The following TGIF2 variants were observed in gnomAD, a reference collection of about 807,000 sequenced individuals.
TGIF2 encodes TGFB induced factor homeobox 2.
Under a neutral mutation model 15.1 loss-of-function variants are expected in TGIF2, and 5 were observed. The ratio of observed to expected loss-of-function variants is 0.33; its 90% CI spans 0.17 to 0.70. The LOEUF is 0.70. TGIF2 is among the 30% of genes least tolerant of loss of function. The probability of loss-of-function intolerance (pLI) is 0.67; values close to 1 mark genes in which losing one functional copy is unlikely to be tolerated. For missense variants in TGIF2, 264 were observed against 302.5 expected, an observed-to-expected ratio of 0.87 and a Z score of 0.94; for synonymous variants, 131 against 128.9, an observed-to-expected ratio of 1.02 and a Z score of -0.11.
intron 1 of TGIF2, 101 bp from the exon 2 acceptor site, chr20:36,578,640 T>C: frequency 7.6e-7 from 1 of 1,320,068 alleles, no homozygotes; most frequent in Non-Finnish European, 1.0e-6. Flanking sequence ...AACTACCCCA[T>C]TTCTGGTGTC....
At chr20:36,585,531 A>T (rs1238311063) in intron 2 of TGIF2, among the ~76,000 whole-genome samples, 1 of 151,376 alleles carries the variant, frequency 6.6e-6, no homozygotes, top group East Asian at 1.9e-4. Flanking sequence ...CACCAGCACC[A>T]GTCACTCGGC....
At chr20:36,579,809 A>G (rs1349528231) in intron 2 of TGIF2, among the ~76,000 whole-genome samples, 2 of 152,212 alleles carry the variant, frequency 1.3e-5, no homozygotes, top group Admixed American at 6.5e-5. Context: ...TGTGACGAAT[A>G]GATTCAGAAC....
At chr20:36,573,984 T>A (rs1168978281) in intron 1 of TGIF2, among the ~76,000 whole-genome samples, 1 of 151,122 alleles carries the variant, frequency 6.6e-6, no homozygotes, top group African/African-American at 2.4e-5. Context: ...GGAAGCCCGC[T>A]TGGGGCCCTG....
At chr20:36,574,118 G>C (rs1483858646) in intron 1 of TGIF2, among the ~76,000 whole-genome samples, 3 of 151,226 alleles carry the variant, frequency 2.0e-5, no homozygotes, top group East Asian at 4.0e-4. Flanking sequence ...ACCGCCAGCA[G>C]GGCCCCCCCG....
chr20:36,583,294 CA>C (rs916803751), intron 2 of TGIF2, among the ~76,000 whole-genome samples: 2 of 148,884 alleles, frequency 1.3e-5, no homozygotes, highest in Admixed American at 1.3e-4. Flanking sequence ...AACAAACAAA[CA>C]AAAAAAACCT....
At chr20:36,587,925 C>G (rs534610274) in intron 2 of TGIF2, among the ~76,000 whole-genome samples, 1 of 152,028 alleles carries the variant, frequency 6.6e-6, no homozygotes, top group South Asian at 2.1e-4. Context: ...AAAAAAGTAC[C>G]TGGGCATGGT....
chr20:36,585,326 C>T (rs2038633080), intron 2 of TGIF2, among the ~76,000 whole-genome samples: 2 of 151,782 alleles, frequency 1.3e-5, no homozygotes, highest in East Asian at 1.9e-4. Flanking sequence ...GGTGAAACCC[C>T]GTCTCTACTA....
At chr20:36,580,813 CAAAAAAAAAAA>C (rs71184101) in intron 2 of TGIF2, among the ~76,000 whole-genome samples, 1 of 45,928 alleles carries the variant, frequency 2.2e-5, no homozygotes, top group African/African-American at 9.0e-5. Context: ...GACATTGTCT[CAAAAAAAAAAA>C]AAAAAAAAAA....
intron 2 of TGIF2, among the ~76,000 whole-genome samples, chr20:36,579,171 TA>T (rs1188838915): frequency 6.6e-5 from 10 of 152,226 alleles, no homozygotes; most frequent in African/African-American, 2.4e-4. Flanking sequence ...TTTCAGACTT[TA>T]GATAGTCCTT....
chr20:36,584,722 G>C (rs2038618263), intron 2 of TGIF2, among the ~76,000 whole-genome samples: 1 of 151,754 alleles, frequency 6.6e-6, no homozygotes, highest in African/African-American at 2.4e-5. Flanking sequence ...AATTTTTGTA[G>C]TTTTAGTAAA....
At position 36,592,655 on chromosome 20, in the gene TGIF2, G is replaced by A. The variant is rs1233885105; in HGVS notation, c.*1224G>A. On this transcript the variant is annotated 3_prime_UTR_variant, in exon 3 of 3. Coordinates refer to ENST00000373872, the MANE Select transcript of TGIF2 (RefSeq NM_021809.7). ...CGGAGGAACTGCCTTCAGAGAAGGT[G>A]GGGCTGGAAAAGGGTTAGAAGCCTC... 1 of 152,396 alleles carries A rather than the reference G, an allele frequency of 6.6e-6. No homozygotes were observed. The highest frequency in any genetic ancestry group is 1.5e-5 in the Non-Finnish European group (1 of 68,058). 9.4% of individuals were successfully genotyped at this position (152,396 alleles called of 1,614,324 possible).
At chr20:36,589,453 C>T (rs574480343) in intron 2 of TGIF2, among the ~76,000 whole-genome samples, 39 of 151,500 alleles carry the variant, frequency 2.6e-4, no homozygotes, top group African/African-American at 6.8e-4. Context: ...AGTGCAATGG[C>T]GTGGTCATGG....
At chr20:36,586,690 A>C (rs2038664015) in intron 2 of TGIF2, among the ~76,000 whole-genome samples, 3 of 102,400 alleles carry the variant, frequency 2.9e-5, no homozygotes, top group East Asian at 2.8e-4. Context: ...GTGAGACTCC[A>C]TTTCCCCCCC....
At chr20:36,577,309 C>T (rs971819552) in intron 1 of TGIF2, among the ~76,000 whole-genome samples, 4 of 151,924 alleles carry the variant, frequency 2.6e-5, no homozygotes, top group Non-Finnish European at 5.9e-5. Context: ...AAGCAGTTCT[C>T]CTGCCTCAGC....
chr20:36,589,713 A>G (rs1052517866), intron 2 of TGIF2, among the ~76,000 whole-genome samples: 4 of 151,512 alleles, frequency 2.6e-5, no homozygotes, highest in African/African-American at 9.7e-5. Context: ...CTTTGAGACA[A>G]GGTCTCACGC....
At chr20:36,580,562 A>G (rs1041851072) in intron 2 of TGIF2, among the ~76,000 whole-genome samples, 9 of 152,126 alleles carry the variant, frequency 5.9e-5, no homozygotes, top group African/African-American at 2.2e-4. Flanking sequence ...CTGTAATCCC[A>G]GCACTTTAGG....
At chr20:36,582,346 T>C (rs2038563579) in intron 2 of TGIF2, among the ~76,000 whole-genome samples, 1 of 152,092 alleles carries the variant, frequency 6.6e-6, no homozygotes, top group Non-Finnish European at 1.5e-5. Flanking sequence ...ACTGGGTATA[T>C]ATATAAAAAA....
chr20:36,591,505 A>G lies in TGIF2; in HGVS notation c.*74A>G. On this transcript the variant is annotated 3_prime_UTR_variant, in exon 3 of 3. Transcript: ENST00000373872. The surrounding 1 kb of genome is among the most constrained non-coding windows in gnomAD (Gnocchi z 5.3). Reference sequence around the variant, plus strand: ...TCCGTTTTGGTTCCCTTTCATACAGAGGGTTTTCTATGGATCACTGCCAAA... The same window carrying G: ...TCCGTTTTGGTTCCCTTTCATACAGGGGGTTTTCTATGGATCACTGCCAAA... 1 of 1,472,184 alleles carries G rather than the reference A, an allele frequency of 6.8e-7. No individual in the cohort carries two copies. Among genetic ancestry groups the G allele is most frequent in the Non-Finnish European group, 9.2e-7 (1 of 1,091,360 alleles). The allele number at this position is 1,472,184 out of a possible 1,614,324, so 91.2% of individuals were successfully genotyped here. A position where few individuals can be genotyped will look rare whatever the true frequency, so the allele number is the denominator to read the frequency against.
intron 1 of TGIF2, among the ~76,000 whole-genome samples, chr20:36,575,101 G>A (rs1206828918): frequency 6.6e-6 from 1 of 152,084 alleles, no homozygotes; most frequent in African/African-American, 2.4e-5. Context: ...ACAGAAGTTG[G>A]GCTAGTTGTG....
Sources: gnomAD v4.1 joint callset for allele counts (sites outside exome capture counted in the v4.1 genomes callset) on GRCh38, gnomAD v4.1.1 for gene constraint, Gnocchi (gnomAD v3.1) non-coding constraint, MANE v1.5 for transcripts, NCBI Gene and HGNC (gene_info 2026-07-23, HGNC 2026-07-21) for gene names.